Variants in CDK7 observed in about 807,000 individuals in gnomAD.
CDK7 encodes the protein cyclin-dependent kinase 7.
A neutral mutation model predicts 49.1 loss-of-function variants in CDK7; 25 were observed. The observed-to-expected ratio is 0.51, with a 90% CI of 0.37 to 0.71. The LOEUF (loss-of-function observed/expected upper bound fraction) is 0.71, where lower values mean the gene tolerates loss of function less well. Ranked by LOEUF, CDK7 falls within the 30% of genes least tolerant of loss-of-function variation. CDK7 has a pLI of 0.00. For missense variants in CDK7, 316 were observed against 411.7 expected, an observed-to-expected ratio of 0.77 and a Z score of 2.01; for synonymous variants, 107 against 140.0, an observed-to-expected ratio of 0.76 and a Z score of 1.67.
At chr5:69,261,486 T>TTTGTGTG (rs1561365562) in intron 7 of CDK7, among the ~76,000 whole-genome samples, 1 of 139,520 alleles carries the variant, frequency 7.2e-6, no homozygotes, top group Non-Finnish European at 1.6e-5. Flanking sequence ...ATTGAAAAGG[T>TTTGTGTG]TCTCTGTGTG....
chr5:69,262,149 T>C (rs1043423520), intron 7 of CDK7, 56 bp from the exon 8 acceptor site: 31 of 1,609,790 alleles, frequency 1.9e-5, no homozygotes, highest in Non-Finnish European at 2.5e-5. Context: ...TCCCTAGAGA[T>C]AGAAGTGCTT....
In CDK7 at chr5:69,259,888, A is replaced by C; in HGVS notation, c.479A>C (p.Lys160Thr). ...AAACTGGCAGATTTTGGCCTGGCCA[A>C]ATCTTTTGGGAGCCCCAATAGAGCT... ...VLKLADFGLA[K>T]SFGSPNRAYT... is the part of the protein sequence containing the mutation. Residue 160 changes from lysine to threonine, a missense_variant, in exon 7 of 12, where the codon AAA (lysine) becomes ACA (threonine). Coordinates refer to ENST00000256443, the MANE Select transcript of CDK7 (RefSeq NM_001799.4). The C allele has an allele frequency of 1.9e-6, 3 of 1,614,070 alleles. No homozygotes were observed. Among genetic ancestry groups the C allele is most frequent in the Non-Finnish European group, 2.5e-6 (3 of 1,179,944 alleles).
intron 10 of CDK7, among the ~76,000 whole-genome samples, chr5:69,276,132 G>A (rs1316624149): frequency 2.0e-5 from 3 of 152,036 alleles, no homozygotes; most frequent in Non-Finnish European, 2.9e-5. Flanking sequence ...GGGTTCAAGC[G>A]ATTCTCCTAC....
Position 69,255,545 on chromosome 5 carries a change from T to G in CDK7, c.297+17T>G. ...GATCTAGAGGTAAGATTAAGATTCC[T>G]GGAGAAATTCCTTTGTCCCAGTTTA... On this transcript the variant is annotated intron_variant, in intron 5 of 11. Transcript: ENST00000256443. 6.7e-7 allele frequency: 1 copy of G among 1,490,022 alleles called. No homozygotes were observed. Among genetic ancestry groups the G allele is most frequent in the African/African-American group, 1.4e-5 (1 of 72,578 alleles). 92.3% of individuals were successfully genotyped at this position (1,490,022 alleles called of 1,614,324 possible). A position where few individuals can be genotyped will look rare whatever the true frequency, so the allele number is the denominator to read the frequency against.
At position 69,235,369 on chromosome 5, in the gene CDK7, A is replaced by C. The variant is rs772264115; in HGVS notation, c.67-25A>C. The C allele has an allele frequency of 2.6e-6, 4 of 1,521,686 alleles. No individual in the cohort carries two copies. In the African/African-American group the frequency reaches 5.5e-5, roughly 21 times the overall value. The allele number at this position is 1,521,686 out of a possible 1,614,324, so 94.3% of individuals were successfully genotyped here. A position where few individuals can be genotyped will look rare whatever the true frequency, so the allele number is the denominator to read the frequency against. ...CAAACACAAAAACTCCCATAAACTT[A>C]TGTTATTTCTATTTTTCTTTCTAGT... On this transcript the variant is annotated intron_variant, in intron 1 of 11. Transcript: ENST00000256443.
At position 69,241,307 on chromosome 5, in the gene CDK7, GTTTTTTCTTTTT is replaced by G. The variant is rs1436527144; in HGVS notation, c.126+5861_126+5872del. On this transcript the variant is annotated intron_variant, in intron 2 of 11. Transcript: ENST00000256443. ...TAGGTGAGATGCTCTCTCATTGTAG[GTTTTTTCTTTTT>G]TTTTTTTTTTTTTTTTTTTGAGACG... Among the ~76,000 whole-genome samples, 83 of 112,938 alleles carry G rather than the reference GTTTTTTCTTTTT, an allele frequency of 7.3e-4. 1 individual carries two copies. Among genetic ancestry groups the G allele is most frequent in the African/African-American group, 2.4e-3 (71 of 30,194 alleles). The allele number at this position is 112,938 out of a possible 152,430, so 74.1% of individuals were successfully genotyped here. A position where few individuals can be genotyped will look rare whatever the true frequency, so the allele number is the denominator to read the frequency against.
chr5:69,271,230 A>C (rs1751505983), intron 9 of CDK7, among the ~76,000 whole-genome samples: 1 of 152,124 alleles, frequency 6.6e-6, no homozygotes, highest in Non-Finnish European at 1.5e-5. Flanking sequence ...GGTGTTGAAT[A>C]TCTTTTCTTG....
intron 2 of CDK7, among the ~76,000 whole-genome samples, chr5:69,236,023 T>G (rs930593548): frequency 6.6e-6 from 1 of 152,116 alleles, no homozygotes; most frequent in Non-Finnish European, 1.5e-5. Flanking sequence ...GGCGGATCAC[T>G]TGGGGTCAAG....
rs1750427465 is a variant in CDK7, at chr5:69,255,534, A to AT, written c.297+8dup. The AT allele has an allele frequency of 6.5e-7, 1 of 1,540,916 alleles. No individual in the cohort carries two copies. Among genetic ancestry groups the AT allele is most frequent in the Non-Finnish European group, 9.0e-7 (1 of 1,114,144 alleles). On this transcript the variant is annotated splice_region_variant and intron_variant, in intron 5 of 11. Coordinates refer to ENST00000256443, the MANE Select transcript of CDK7 (RefSeq NM_001799.4). ...TTATGGAAACTGATCTAGAGGTAAG[A>AT]TTAAGATTCCTGGAGAAATTCCTTT...
chr5:69,270,712 T>C (rs1187337701), intron 9 of CDK7, among the ~76,000 whole-genome samples: 2 of 152,248 alleles, frequency 1.3e-5, no homozygotes, highest in Non-Finnish European at 1.5e-5. Flanking sequence ...AATGGATAAA[T>C]GGAATCACAC....
At chr5:69,253,990 C>T (rs953536958) in intron 3 of CDK7, among the ~76,000 whole-genome samples, 2 of 152,068 alleles carry the variant, frequency 1.3e-5, no homozygotes, top group African/African-American at 4.8e-5. Context: ...GTCCCAGCTA[C>T]TCGGGAGGCT....
chr5:69,259,503 A>C (rs1000682523), intron 6 of CDK7, among the ~76,000 whole-genome samples: 2 of 152,188 alleles, frequency 1.3e-5, no homozygotes, highest in African/African-American at 4.8e-5. Flanking sequence ...TAATAGTAGG[A>C]ACCATTTATT....
chr5:69,257,031 A>C (rs891420071), intron 5 of CDK7, among the ~76,000 whole-genome samples: 1 of 152,240 alleles, frequency 6.6e-6, no homozygotes, highest in Admixed American at 6.5e-5. Flanking sequence ...ATGCAGCAAC[A>C]TAGATGAATC....
At chr5:69,256,851 A>G (rs1406127351) in intron 5 of CDK7, among the ~76,000 whole-genome samples, 1 of 151,892 alleles carries the variant, frequency 6.6e-6, no homozygotes, top group African/African-American at 2.4e-5. Context: ...TGAGATTCCC[A>G]TCTCGAAAAA....
chr5:69,247,900 G>T (rs1229602761), intron 2 of CDK7, among the ~76,000 whole-genome samples: 3 of 152,036 alleles, frequency 2.0e-5, no homozygotes, highest in Non-Finnish European at 4.4e-5. Flanking sequence ...CCACTTTGTT[G>T]TACTGTCTTG....
chr5:69,264,970 T>TAA (rs1173324629), intron 8 of CDK7, among the ~76,000 whole-genome samples: 1 of 118,754 alleles, frequency 8.4e-6, no homozygotes, highest in African/African-American at 3.2e-5. Context: ...AAATTCCGTC[T>TAA]AAAAAAAAAA....
chr5:69,271,512 TC>T (rs1270604858), intron 9 of CDK7, among the ~76,000 whole-genome samples: 10 of 117,470 alleles, frequency 8.5e-5, no homozygotes, highest in African/African-American at 2.5e-4. Context: ...AATTTTTTTT[TC>T]TTTTTTTTTT....
chr5:69,246,738 T>C (rs1363156713), intron 2 of CDK7, among the ~76,000 whole-genome samples: 1 of 151,938 alleles, frequency 6.6e-6, no homozygotes, highest in Non-Finnish European at 1.5e-5. Flanking sequence ...CAGTTACAGC[T>C]ATAAACTTCC....
chr5:69,245,644 A>G (rs1333553984), intron 2 of CDK7, among the ~76,000 whole-genome samples: 1 of 152,036 alleles, frequency 6.6e-6, no homozygotes, highest in Non-Finnish European at 1.5e-5. Context: ...CCCTTCTTCA[A>G]ATGTTTGGTA....
Sources: allele counts gnomAD v4.1 joint callset (sites outside exome capture counted in the v4.1 genomes callset), GRCh38; gene constraint gnomAD v4.1.1; transcripts MANE v1.5; gene names NCBI Gene and HGNC (gene_info 2026-07-23, HGNC 2026-07-21).